XPOT: variants seen among roughly 807,000 people sequenced by gnomAD.
XPOT encodes the protein exportin-T.
Under a neutral mutation model 128.2 loss-of-function variants are expected in XPOT, and 34 were observed. That is an observed-to-expected ratio of 0.27 (90% CI 0.20 to 0.35). XPOT has a LOEUF of 0.35. Among genes scored for constraint, XPOT ranks in the 10% least tolerant of loss-of-function variants. The probability of loss-of-function intolerance (pLI) is 1.00; values close to 1 mark genes in which losing one functional copy is unlikely to be tolerated. For synonymous variants in XPOT, 348 were observed against 394.3 expected, an observed-to-expected ratio of 0.88 and a Z score of 1.39; for missense variants, 838 against 1,125.3, an observed-to-expected ratio of 0.74 and a Z score of 3.65.
At chr12:64,405,292 T>A (rs1178492695) in intron 1 of XPOT, 1 of 152,210 alleles carries the variant, frequency 6.6e-6, no homozygotes, top group Non-Finnish European at 1.5e-5. Context: ...CTCACCATCC[T>A]GCAGGACTAG....
intron 16 of XPOT, among the ~76,000 whole-genome samples, chr12:64,428,330 T>TG (rs1320129834): frequency 6.6e-6 from 1 of 152,136 alleles, no homozygotes; most frequent in Non-Finnish European, 1.5e-5. Context: ...TTTGGCAGCA[T>TG]GGGGTATATT....
chr12:64,406,115 G>A (rs1446264700), intron 1 of XPOT, among the ~76,000 whole-genome samples: 1 of 152,128 alleles, frequency 6.6e-6, no homozygotes, highest in Non-Finnish European at 1.5e-5. Context: ...TCACTCTGTC[G>A]CCCAGGCGGG....
chr12:64,417,998 T>G (rs757944412), intron 4 of XPOT, 48 bp from the exon 5 acceptor site: 1 of 1,486,954 alleles, frequency 6.7e-7, no homozygotes, highest in Non-Finnish European at 9.3e-7. Flanking sequence ...TTTACAACCA[T>G]AGACACCAAA....
chr12:64,423,158 T>A, intron 10 of XPOT, 24 bp from the exon 11 acceptor site: 1 of 1,599,204 alleles, frequency 6.3e-7, no homozygotes, highest in Non-Finnish European at 8.5e-7. Flanking sequence ...ACAAAAACTC[T>A]TTTATTCTCA....
intron 23 of XPOT, among the ~76,000 whole-genome samples, chr12:64,444,464 T>C (rs1453130579): frequency 6.6e-6 from 1 of 152,232 alleles, no homozygotes; most frequent in African/African-American, 2.4e-5. Context: ...TACAATAGAA[T>C]ATTAAGCCTG....
At chr12:64,434,368 A>C in intron 19 of XPOT, 139 bp from the exon 20 acceptor site, 1 of 610,012 alleles carries the variant, frequency 1.6e-6, no homozygotes, top group Non-Finnish European at 2.9e-6. Flanking sequence ...GCAATTCTGT[A>C]AATGCTTTTT....
intron 11 of XPOT, 31 bp downstream of exon 11, chr12:64,423,275 AG>A: frequency 7.2e-7 from 1 of 1,389,774 alleles, no homozygotes; most frequent in Non-Finnish European, 9.8e-7. Flanking sequence ...AGGAGAAAGG[AG>A]TTTTAATTTT....
At chr12:64,405,481 G>A (rs1209020258) in intron 1 of XPOT, 1 of 152,158 alleles carries the variant, frequency 6.6e-6, no homozygotes, top group Non-Finnish European at 1.5e-5. Flanking sequence ...AGGTGTAGAG[G>A]AATTTTTCCA....
rs2040240218 is a variant in XPOT at position 64,431,732 on chromosome 12, C to T, written c.2171C>T (p.Pro724Leu). Residue 724 changes from proline (P) to leucine (L), a missense_variant, in exon 18 of 25, where the codon CCA becomes CTA. Physicochemically the swap from Pro to Leu is moderately conservative, Grantham distance 98. Coordinates refer to ENST00000332707, the MANE Select transcript of XPOT (RefSeq NM_007235.6). ...GAGGAAGAAGTTCTTCCGTTCATTC[C>T]ATCTGCTTCAGAACATATGCTCAAA... ...CLEEEVLPFI[P>L]SASEHMLKDC... 6.2e-7 allele frequency: 1 copy of T among 1,613,938 alleles called. No individual in the cohort carries two copies. Among genetic ancestry groups the T allele is most frequent in the African/African-American group, 1.3e-5 (1 of 74,910 alleles).
At chr12:64,422,902 C>CAAA (rs201490602) in intron 9 of XPOT, 103 bp from the exon 10 acceptor site, 2,141 of 869,076 alleles carry the variant, frequency 2.5e-3, no homozygotes, top group Middle Eastern at 3.0e-3. Flanking sequence ...GACCTTGTCT[C>CAAA]AAAAAAAAAA....
At chr12:64,409,493 T>C (rs780718301) in intron 1 of XPOT, among the ~76,000 whole-genome samples, 1 of 152,188 alleles carries the variant, frequency 6.6e-6, no homozygotes, top group East Asian at 1.9e-4. Context: ...CCCAGCACTT[T>C]GGGAGGCCAA....
chr12:64,405,202 C>CA (rs1328264778), intron 1 of XPOT: 1 of 152,378 alleles, frequency 6.6e-6, no homozygotes, highest in East Asian at 1.9e-4. Flanking sequence ...ATTCTTCCCC[C>CA]ACCCCTGGAC....
intron 11 of XPOT, 139 bp downstream of exon 11, chr12:64,423,383 C>A: frequency 1.7e-6 from 1 of 576,348 alleles, no homozygotes; most frequent in South Asian, 2.8e-5. Flanking sequence ...TTGACACCAA[C>A]CTTGGGTGAA....
intron 8 of XPOT, 144 bp from the exon 9 acceptor site, chr12:64,421,091 C>T (rs1226693941): frequency 4.6e-5 from 33 of 717,804 alleles, no homozygotes; most frequent in Admixed American, 2.5e-4. Context: ...CATAAGCCAC[C>T]GTGCCCAGCC....
intron 24 of XPOT, among the ~76,000 whole-genome samples, chr12:64,447,044 C>T (rs1043301875): frequency 2.0e-5 from 3 of 152,126 alleles, no homozygotes; most frequent in African/African-American, 7.2e-5. Context: ...TCACATCTTA[C>T]GTGGATGGCA....
intron 3 of XPOT, among the ~76,000 whole-genome samples, chr12:64,416,207 G>T (rs141204014): frequency 9.9e-4 from 151 of 152,358 alleles, no homozygotes; most frequent in Non-Finnish European, 1.8e-3. Flanking sequence ...AAACTTTGAA[G>T]TTGGACTGAC....
chr12:64,421,523 G>T, intron 9 of XPOT, 52 bp downstream of exon 9: 1 of 1,248,836 alleles, frequency 8.0e-7, no homozygotes, highest in Non-Finnish European at 1.2e-6. Context: ...AAGGAGCCAT[G>T]GAGAAGTGGA....
Position 64,430,289 on chromosome 12 carries a change from T to A in XPOT, c.1976+2T>A. The A allele has an allele frequency of 5.8e-6, 9 of 1,560,244 alleles. No homozygotes were observed. Among genetic ancestry groups the A allele is most frequent in the African/African-American group, 1.4e-5 (1 of 72,892 alleles). ...TAACCATGCTGTTGGATTTGCAAGG[T>A]AAGTGTGATCACAGTTAAAATTATA... On this transcript the variant is annotated splice_donor_variant, in intron 17 of 24. Transcript: ENST00000332707. LOFTEE classifies it high-confidence loss of function.
At chr12:64,418,375 A>G (rs978755841) in intron 5 of XPOT, among the ~76,000 whole-genome samples, 1 of 152,196 alleles carries the variant, frequency 6.6e-6, no homozygotes, top group African/African-American at 2.4e-5. Flanking sequence ...GTTTTTAACT[A>G]CTTGACAAAT....
Sources: gnomAD v4.1 joint callset for allele counts (sites outside exome capture counted in the v4.1 genomes callset) on GRCh38, gnomAD v4.1.1 for gene constraint, MANE v1.5 for transcripts, NCBI Gene and HGNC (gene_info 2026-07-23, HGNC 2026-07-21) for gene names.